The following SIPA1L1 variants were observed in gnomAD, a reference collection of about 807,000 sequenced individuals.
The protein encoded by SIPA1L1 is signal-induced proliferation-associated 1-like protein 1.
Under a neutral mutation model 162.7 loss-of-function variants are expected in SIPA1L1, and 26 were observed. The observed-to-expected ratio is 0.16, with a 90% CI of 0.12 to 0.22. SIPA1L1 has a LOEUF of 0.22. Ranked by LOEUF, SIPA1L1 falls within the 10% of genes least tolerant of loss-of-function variation. SIPA1L1 has a pLI of 1.00. For missense variants in SIPA1L1, 1,874 were observed against 2,241.0 expected, an observed-to-expected ratio of 0.84 and a Z score of 3.31; for synonymous variants, 829 against 837.4, an observed-to-expected ratio of 0.99 and a Z score of 0.17.
intron 10 of SIPA1L1, among the ~76,000 whole-genome samples, chr14:71,663,947 G>A (rs1350572441): frequency 6.6e-6 from 1 of 152,178 alleles, no homozygotes; most frequent in Admixed American, 6.5e-5. Context: ...AGATTATAGA[G>A]CAGTGACCTA....
intron 17 of SIPA1L1, among the ~76,000 whole-genome samples, chr14:71,716,673 G>A (rs1181772443): frequency 6.6e-6 from 1 of 152,176 alleles, no homozygotes; most frequent in Non-Finnish European, 1.5e-5. Flanking sequence ...GTGGCTCATC[G>A]CTTGGCAAAG....
chr14:71,621,448 GC>G, intron 6 of SIPA1L1, among the ~76,000 whole-genome samples: 1 of 152,146 alleles, frequency 6.6e-6, no homozygotes, highest in African/African-American at 2.4e-5. Flanking sequence ...GGACACCTCT[GC>G]CTCAGGGCTC....
chr14:71,507,775 A>C (rs994001700), intron 2 of SIPA1L1, among the ~76,000 whole-genome samples: 2 of 151,970 alleles, frequency 1.3e-5, no homozygotes, highest in Non-Finnish European at 2.9e-5. Flanking sequence ...CTTTCATTTT[A>C]ACATATGTCA....
chr14:71,599,955 A>T (rs1379977592), intron 5 of SIPA1L1, among the ~76,000 whole-genome samples: 1 of 151,504 alleles, frequency 6.6e-6, no homozygotes, highest in Non-Finnish European at 1.5e-5. Context: ...TTTTAATAGG[A>T]TTATTTGTTT....
chr14:71,717,312 C>T (rs2083349123), intron 17 of SIPA1L1, among the ~76,000 whole-genome samples: 1 of 152,154 alleles, frequency 6.6e-6, no homozygotes, highest in Non-Finnish European at 1.5e-5. Context: ...GAGAAATGCC[C>T]TATAGCTTAT....
chr14:71,561,252 T>A (rs1029573743), intron 4 of SIPA1L1, among the ~76,000 whole-genome samples: 2 of 152,220 alleles, frequency 1.3e-5, no homozygotes, highest in African/African-American at 4.8e-5. Flanking sequence ...GGTGTCACAA[T>A]GTACTTAATC....
At chr14:71,413,127 T>G (rs1309857217) in intron 2 of SIPA1L1, among the ~76,000 whole-genome samples, 1 of 152,228 alleles carries the variant, frequency 6.6e-6, no homozygotes. Flanking sequence ...GGTTTTTGTG[T>G]ATTACATGCC....
intron 2 of SIPA1L1, among the ~76,000 whole-genome samples, chr14:71,474,442 C>G (rs537579625): frequency 6.6e-6 from 1 of 152,306 alleles, no homozygotes; most frequent in South Asian, 2.1e-4. Context: ...AATTGACTTT[C>G]TTTTCTAATT....
chr14:71,468,083 C>T (rs962030211), intron 2 of SIPA1L1, among the ~76,000 whole-genome samples: 1 of 150,420 alleles, frequency 6.6e-6, no homozygotes, highest in African/African-American at 2.5e-5. Context: ...AGGGACTTCT[C>T]CTATAATCAG....
chr14:71,386,170 A>G (rs1202536179), intron 2 of SIPA1L1, among the ~76,000 whole-genome samples: 1 of 152,198 alleles, frequency 6.6e-6, no homozygotes, highest in Non-Finnish European at 1.5e-5. Context: ...AGATGTATAT[A>G]TAAAGGGGAG....
In SIPA1L1 at chr14:71,347,109, G is replaced by A. The variant is rs541516953; in HGVS notation, c.-465+25928G>A. Among the ~76,000 whole-genome samples, 8 of 149,498 alleles carry A rather than the reference G, an allele frequency of 5.4e-5. No homozygotes were observed. The South Asian group carries it at 6.3e-4, about 12-fold the overall frequency. On this transcript the variant is annotated intron_variant, in intron 2 of 23. Transcript: ENST00000381232. ...TGGGATTACAGGCACACGCCACTAC[G>A]TCTGGGTAATTTTTTTTTTTTTCGT...
At chr14:71,697,237 G>A (rs2081709108) in intron 13 of SIPA1L1, among the ~76,000 whole-genome samples, 2 of 152,160 alleles carry the variant, frequency 1.3e-5, no homozygotes, top group Non-Finnish European at 2.9e-5. Context: ...CAGGCTGCAG[G>A]TGAGAGAAAT....
intron 16 of SIPA1L1, among the ~76,000 whole-genome samples, chr14:71,705,835 C>T (rs766813173): frequency 1.3e-5 from 2 of 151,992 alleles, no homozygotes; most frequent in Non-Finnish European, 2.9e-5. Flanking sequence ...TTCATCCTTT[C>T]GCTATAGTAA....
intron 4 of SIPA1L1, among the ~76,000 whole-genome samples, chr14:71,541,537 G>A (rs1022925372): frequency 5.3e-5 from 8 of 152,172 alleles, no homozygotes; most frequent in African/African-American, 1.4e-4. Flanking sequence ...CAAGGTGAGA[G>A]GATTGCTTGA....
At chr14:71,363,265 G>A (rs553741550) in intron 2 of SIPA1L1, among the ~76,000 whole-genome samples, 65 of 152,278 alleles carry the variant, frequency 4.3e-4, no homozygotes, top group African/African-American at 1.5e-3. Flanking sequence ...TTCTGGGTAT[G>A]AGAAGACTGT....
At chr14:71,526,091 T>C (rs951905564) in intron 3 of SIPA1L1, among the ~76,000 whole-genome samples, 1 of 152,244 alleles carries the variant, frequency 6.6e-6, no homozygotes, top group Non-Finnish European at 1.5e-5. Context: ...GGCACAAGGC[T>C]TGCATTCCAT....
intron 2 of SIPA1L1, among the ~76,000 whole-genome samples, chr14:71,461,902 C>T (rs1349955801): frequency 6.6e-6 from 1 of 152,158 alleles, no homozygotes; most frequent in African/African-American, 2.4e-5. Context: ...TAGGGAACTC[C>T]CCATGAGGCC....
At chr14:71,733,959 C>A (rs1004024283) in intron 21 of SIPA1L1, 147 bp downstream of exon 21, 7 of 819,516 alleles carry the variant, frequency 8.5e-6, no homozygotes, top group Admixed American at 3.1e-5. Context: ...AGGGACCAGA[C>A]CCTAAGCTGG....
At chr14:71,451,550 A>G (rs1235555075) in intron 2 of SIPA1L1, among the ~76,000 whole-genome samples, 1 of 150,390 alleles carries the variant, frequency 6.6e-6, no homozygotes, top group Non-Finnish European at 1.5e-5. Flanking sequence ...TGGGAGGATC[A>G]CTTGAGCCCA....
Sources: allele counts gnomAD v4.1 joint callset (sites outside exome capture counted in the v4.1 genomes callset), GRCh38; gene constraint gnomAD v4.1.1; transcripts MANE v1.5; gene names NCBI Gene and HGNC (gene_info 2026-07-23, HGNC 2026-07-21).